The following BABAM2 variants were observed in gnomAD, a reference collection of about 807,000 sequenced individuals.
BABAM2 encodes BRISC and BRCA1-A complex member 2.
A neutral mutation model predicts 54.7 loss-of-function variants in BABAM2; 31 were observed. The observed-to-expected ratio is 0.57, with a 90% CI of 0.43 to 0.77. BABAM2 has a LOEUF of 0.77. Among genes scored for constraint, BABAM2 ranks in the 30% least tolerant of loss-of-function variants. The pLI is 0.00. For synonymous variants in BABAM2, 167 were observed against 162.9 expected (o/e 1.03, Z -0.19); for missense variants, 364 against 455.8 (o/e 0.80, Z 1.83).
intron 4 of BABAM2, among the ~76,000 whole-genome samples, chr2:28,008,189 G>A (rs187920497): frequency 4.3e-4 from 66 of 152,168 alleles, no homozygotes; most frequent in African/African-American, 1.6e-3. Flanking sequence ...AACATTAGTG[G>A]GTGCAATAAA....
intron 6 of BABAM2, among the ~76,000 whole-genome samples, chr2:28,048,073 C>A (rs1208314195): frequency 6.6e-6 from 1 of 152,170 alleles, no homozygotes. Flanking sequence ...AATAAACTTC[C>A]TGAATTCCTA....
intron 6 of BABAM2, among the ~76,000 whole-genome samples, chr2:28,112,221 T>TCCTTCCTTCCTTCCTTCCTTCCTC (rs1190015777): frequency 8.0e-6 from 1 of 124,942 alleles, no homozygotes; most frequent in Non-Finnish European, 1.7e-5. Context: ...CTTCCTTCCT[T>TCCTTCCTTCCTTCCTTCCTTCCTC]CCTTCCTTTA....
intron 8 of BABAM2, among the ~76,000 whole-genome samples, chr2:28,237,794 TG>T (rs1171760096): frequency 2.0e-5 from 3 of 152,246 alleles, no homozygotes; most frequent in Non-Finnish European, 4.4e-5. Context: ...CCGTCATATC[TG>T]GGAGCAGTTC....
chr2:28,126,441 G>A (rs1229524880), intron 6 of BABAM2, among the ~76,000 whole-genome samples: 3 of 146,380 alleles, frequency 2.0e-5, no homozygotes, highest in African/African-American at 2.5e-5. Context: ...ATGATTTCCA[G>A]TTTCATCCAT....
chr2:28,129,812 G>A (rs552188030), intron 7 of BABAM2, among the ~76,000 whole-genome samples: 2 of 152,314 alleles, frequency 1.3e-5, no homozygotes, highest in East Asian at 1.9e-4. Context: ...TCAGAAGTTA[G>A]TAAAGCTAAT....
intron 3 of BABAM2, among the ~76,000 whole-genome samples, chr2:27,940,518 C>T (rs530225590): frequency 6.6e-6 from 1 of 152,276 alleles, no homozygotes; most frequent in East Asian, 1.9e-4. Flanking sequence ...AGTGACAGAA[C>T]TTAATTCTGC....
chr2:28,057,200 G>A (rs544723741), intron 6 of BABAM2, among the ~76,000 whole-genome samples: 4 of 152,154 alleles, frequency 2.6e-5, no homozygotes, highest in African/African-American at 9.7e-5. Flanking sequence ...TCCAGGGAGG[G>A]TTGATCAGGT....
At chr2:27,960,581 TAGAA>T (rs746944274) in intron 3 of BABAM2, among the ~76,000 whole-genome samples, 3 of 152,166 alleles carry the variant, frequency 2.0e-5, no homozygotes, top group Non-Finnish European at 4.4e-5. Context: ...AGCTAGGAAT[TAGAA>T]AGAAATATTT....
chr2:28,244,740 G>T, intron 9 of BABAM2, 40 bp from the exon 10 acceptor site: 1 of 1,550,936 alleles, frequency 6.4e-7, no homozygotes, highest in South Asian at 1.1e-5. Flanking sequence ...AATTTTATGA[G>T]GGTTTTTTTT....
chr2:28,021,496 C>T (rs970634121), intron 4 of BABAM2, among the ~76,000 whole-genome samples: 3 of 152,136 alleles, frequency 2.0e-5, no homozygotes, highest in African/African-American at 2.4e-5. Context: ...TTCGTTTTAC[C>T]GTGTGCATAT....
intron 4 of BABAM2, among the ~76,000 whole-genome samples, chr2:27,999,361 TG>T (rs1673404287): frequency 6.6e-6 from 1 of 151,944 alleles, no homozygotes; most frequent in Admixed American, 6.6e-5. Context: ...GATGGGGGGA[TG>T]GCACTGTAGA....
intron 3 of BABAM2, among the ~76,000 whole-genome samples, chr2:27,936,518 A>C (rs951993009): frequency 6.6e-6 from 1 of 152,202 alleles, no homozygotes; most frequent in Non-Finnish European, 1.5e-5. Flanking sequence ...TTGCGGCACT[A>C]TTCACCATAG....
intron 7 of BABAM2, among the ~76,000 whole-genome samples, chr2:28,168,177 CA>C (rs1673919872): frequency 6.6e-6 from 1 of 152,166 alleles, no homozygotes; most frequent in African/African-American, 2.4e-5. Context: ...CTGCCTTTAA[CA>C]AGGGTCCACC....
At chr2:27,999,170 AC>A (rs1181474536) in intron 4 of BABAM2, among the ~76,000 whole-genome samples, 1 of 152,064 alleles carries the variant, frequency 6.6e-6, no homozygotes, top group Non-Finnish European at 1.5e-5. Context: ...TACCAGGCAC[AC>A]TAAGATTTTT....
intron 6 of BABAM2, among the ~76,000 whole-genome samples, chr2:28,090,597 G>A (rs1230140523): frequency 2.6e-5 from 4 of 152,062 alleles, no homozygotes; most frequent in African/African-American, 7.2e-5. Flanking sequence ...AGCACCTATC[G>A]GAATCTTTAA....
intron 10 of BABAM2, among the ~76,000 whole-genome samples, chr2:28,277,208 C>T (rs1488669758): frequency 1.3e-5 from 2 of 152,120 alleles, no homozygotes; most frequent in South Asian, 2.1e-4. Flanking sequence ...TGGGTTCAAG[C>T]GATTCTCCTG....
chr2:28,083,369 A>G (rs1253106594), intron 6 of BABAM2, among the ~76,000 whole-genome samples: 21 of 152,134 alleles, frequency 1.4e-4, no homozygotes, highest in Admixed American at 1.3e-3. Context: ...TAGTCACTGC[A>G]TGCTTTCCCG....
At chr2:28,139,991 G>A (rs1670902864) in intron 7 of BABAM2, among the ~76,000 whole-genome samples, 1 of 152,036 alleles carries the variant, frequency 6.6e-6, no homozygotes, top group Non-Finnish European at 1.5e-5. Flanking sequence ...CTTAAAAACA[G>A]AGTTTATTAC....
At chr2:27,894,884 A>G (rs1665165861) in intron 2 of BABAM2, 200 bp downstream of exon 2, 1 of 550,414 alleles carries the variant, frequency 1.8e-6, no homozygotes, top group South Asian at 3.1e-5. Context: ...GTTGTGGACC[A>G]TTGTTTTATG....
Sources: allele counts gnomAD v4.1 joint callset (sites outside exome capture counted in the v4.1 genomes callset), GRCh38; gene constraint gnomAD v4.1.1; transcripts MANE v1.5; gene names NCBI Gene and HGNC (gene_info 2026-07-23, HGNC 2026-07-21).